The following NDC80 variants were observed in gnomAD, a reference collection of about 807,000 sequenced individuals.
The protein encoded by NDC80 is kinetochore protein NDC80 homolog.
NDC80 carries 69 observed loss-of-function variants against 89.3 expected under a neutral mutation model. That is an observed-to-expected ratio of 0.77 (90% confidence interval 0.64 to 0.94). The LOEUF is 0.94. Among genes scored for constraint, NDC80 ranks in the 40% least tolerant of loss-of-function variants. NDC80 has a pLI of 0.00. For synonymous variants in NDC80, 243 were observed against 255.6 expected, an observed-to-expected ratio of 0.95 and a Z score of 0.47; for missense variants, 593 against 739.6, an observed-to-expected ratio of 0.80 and a Z score of 2.30.
chr18:2,578,287 A>G (rs2072558204), intron 5 of NDC80, 146 bp downstream of exon 5: 6 of 738,924 alleles, frequency 8.1e-6, no homozygotes, highest in Non-Finnish European at 1.2e-5. Flanking sequence ...AATTGAAGAG[A>G]AAAAAAGCAA....
chr18:2,601,429 G>A lies in NDC80; in HGVS notation c.1408G>A (p.Glu470Lys). ...TAAGGAACTCCTGAATGAAACTGAAGAAGAAATTAATAAAGCCCTAAATAA... is the reference window on the plus strand; with the variant it reads ...TAAGGAACTCCTGAATGAAACTGAAAAAGAAATTAATAAAGCCCTAAATAA... ...PLKELLNETE[E>K]EINKALNKKM... The change falls in exon 13 of 17, where the codon GAA becomes AAA. Residue 470 changes from glutamate (E) to lysine (K), a missense_variant. Glu to Lys is a moderately conservative substitution (Grantham distance 56). Transcript: ENST00000261597. 2 of 1,526,982 alleles carry A rather than the reference G, an allele frequency of 1.3e-6. No homozygotes were observed. Among genetic ancestry groups the A allele is most frequent in the South Asian group, 1.2e-5 (1 of 80,938 alleles). The allele number at this position is 1,526,982 out of a possible 1,614,324, so 94.6% of individuals were successfully genotyped here.
chr18:2,611,815 T>C (rs2072745856), intron 16 of NDC80, among the ~76,000 whole-genome samples: 1 of 152,072 alleles, frequency 6.6e-6, no homozygotes, highest in South Asian at 2.1e-4. Context: ...ATTGAAAACA[T>C]GAGCATGTGA....
At chr18:2,598,500 C>T (rs1018352454) in intron 11 of NDC80, among the ~76,000 whole-genome samples, 1 of 152,004 alleles carries the variant, frequency 6.6e-6, no homozygotes, top group East Asian at 1.9e-4. Context: ...TTCTGATGAC[C>T]TTATTTGAAC....
intron 6 of NDC80, among the ~76,000 whole-genome samples, chr18:2,580,045 G>A (rs1462100991): frequency 9.3e-6 from 1 of 106,962 alleles, no homozygotes; most frequent in Non-Finnish European, 2.2e-5. Context: ...TGGTTTTTCA[G>A]GCAAGTTTTA....
chr18:2,616,533 T>A lies in NDC80; in HGVS notation c.1888T>A (p.Tyr630Asn). 6.8e-7 allele frequency: 1 copy of A among 1,480,688 alleles called. No homozygotes were observed. Among genetic ancestry groups the A allele is most frequent in the African/African-American group, 1.4e-5 (1 of 70,284 alleles). 91.7% of individuals were successfully genotyped at this position (1,480,688 alleles called of 1,614,324 possible). A position where few individuals can be genotyped will look rare whatever the true frequency, so the allele number is the denominator to read the frequency against. ...AAATATTAAAGAGATTAGAGATAAG[T>A]ATGAGAAGAAAGCTACTCTAATTAA... ...SENIKEIRDK[Y>N]EKKATLIKSS... Residue 630 changes from tyrosine to asparagine, a missense_variant, in exon 17 of 17, where the codon TAT (tyrosine) becomes AAT (asparagine). Tyr to Asn is a moderately radical substitution (Grantham distance 143). Coordinates refer to ENST00000261597, the MANE Select transcript of NDC80 (RefSeq NM_006101.3).
chr18:2,604,327 G>T (rs1036714479), intron 13 of NDC80, among the ~76,000 whole-genome samples: 3 of 152,188 alleles, frequency 2.0e-5, no homozygotes, highest in Non-Finnish European at 4.4e-5. Flanking sequence ...ATACACAGAA[G>T]GATGCTCATG....
intron 16 of NDC80, among the ~76,000 whole-genome samples, 166 bp downstream of exon 16, chr18:2,611,027 G>A (rs2072741504): frequency 6.7e-6 from 1 of 149,830 alleles, no homozygotes; most frequent in Non-Finnish European, 1.5e-5. Flanking sequence ...GCAACGTGAT[G>A]CAGGGGAACA....
At chr18:2,606,060 G>A (rs991336408) in intron 13 of NDC80, among the ~76,000 whole-genome samples, 58 of 151,400 alleles carry the variant, frequency 3.8e-4, no homozygotes, top group African/African-American at 1.4e-3. Context: ...AATAGCTGTA[G>A]TAGATATAGT....
intron 11 of NDC80, among the ~76,000 whole-genome samples, chr18:2,598,736 T>C (rs1000454659): frequency 7.2e-5 from 11 of 152,204 alleles, no homozygotes; most frequent in Non-Finnish European, 2.9e-5. Context: ...TTTTAGTTAA[T>C]ATCTAAATAT....
intron 6 of NDC80, among the ~76,000 whole-genome samples, chr18:2,580,116 T>C (rs1450674988): frequency 2.0e-5 from 3 of 152,152 alleles, no homozygotes; most frequent in Non-Finnish European, 4.4e-5. Flanking sequence ...CTGATGGTTT[T>C]AATAGTTGGC....
chr18:2,588,617 C>G (rs1305760249), intron 8 of NDC80, among the ~76,000 whole-genome samples: 1 of 152,158 alleles, frequency 6.6e-6, no homozygotes, highest in Admixed American at 6.5e-5. Context: ...CCAGTATTAT[C>G]ACAAAAGCTG....
At chr18:2,586,707 G>A (rs2072604501) in intron 7 of NDC80, among the ~76,000 whole-genome samples, 1 of 133,710 alleles carries the variant, frequency 7.5e-6, no homozygotes, top group Non-Finnish European at 1.6e-5. Flanking sequence ...TGCAGCCTGA[G>A]TGACAAAGTG....
At position 2,595,431 on chromosome 18, in the gene NDC80, C is replaced by A. The variant is rs779821206; in HGVS notation, c.1031C>A (p.Thr344Lys). ...TCCAACACAGAACTAGAATGTGAAA[C>A]AATAAAACAGGAGAACACTCGACTA... ...EIARVELECE[T>K]IKQENTRLQN... Residue 344 changes from threonine (T) to lysine (K), a missense_variant, in exon 11 of 17, where the codon ACA (threonine) becomes AAA (lysine). Physicochemically the swap from Thr to Lys is moderately conservative, Grantham distance 78. Transcript: ENST00000261597. The A allele has an allele frequency of 1.2e-6, 2 of 1,613,016 alleles. No individual in the cohort carries two copies. Among genetic ancestry groups the A allele is most frequent in the African/African-American group, 2.7e-5 (2 of 74,796 alleles).
At chr18:2,603,851 G>C (rs2072697020) in intron 13 of NDC80, among the ~76,000 whole-genome samples, 1 of 152,102 alleles carries the variant, frequency 6.6e-6, no homozygotes, top group Non-Finnish European at 1.5e-5. Flanking sequence ...TAATTTCATA[G>C]GTCACTGTTT....
chr18:2,582,819 T>TG (rs1261249781), intron 6 of NDC80: 1 of 152,242 alleles, frequency 6.6e-6, no homozygotes, highest in Non-Finnish European at 1.5e-5. Flanking sequence ...TGTTTGTTCA[T>TG]GCTTTGTAAA....
At chr18:2,586,231 A>G (rs915693195) in intron 7 of NDC80, among the ~76,000 whole-genome samples, 1 of 152,214 alleles carries the variant, frequency 6.6e-6, no homozygotes, top group African/African-American at 2.4e-5. Context: ...TCAACTGACT[A>G]GTGTTGGCAT....
At chr18:2,575,258 A>G (rs1302730840) in intron 3 of NDC80, among the ~76,000 whole-genome samples, 192 bp downstream of exon 3, 1 of 152,210 alleles carries the variant, frequency 6.6e-6, no homozygotes, top group Non-Finnish European at 1.5e-5. Context: ...CATTCAGACC[A>G]CTATTTCATT....
At chr18:2,576,811 C>G (rs978997476) in intron 3 of NDC80, among the ~76,000 whole-genome samples, 2 of 152,142 alleles carry the variant, frequency 1.3e-5, no homozygotes, top group Middle Eastern at 3.4e-3. Context: ...AAAATAGATA[C>G]CTTTAAAAAA....
chr18:2,572,915 G>C, intron 1 of NDC80, 62 bp from the exon 2 acceptor site: 1 of 1,192,342 alleles, frequency 8.4e-7, no homozygotes, highest in South Asian at 1.4e-5. Context: ...AGGATAAATA[G>C]TTGCTTAATG....
Sources: allele counts gnomAD v4.1 joint callset (sites outside exome capture counted in the v4.1 genomes callset), GRCh38; gene constraint gnomAD v4.1.1; transcripts MANE v1.5; gene names NCBI Gene and HGNC (gene_info 2026-07-23, HGNC 2026-07-21).